Variants in ZZEF1 observed in about 807,000 individuals in gnomAD.
ZZEF1 encodes the protein zinc finger ZZ-type and EF-hand domain containing 1, also known as zinc finger ZZ-type and EF-hand domain-containing protein 1.
A neutral mutation model predicts 342.8 loss-of-function variants in ZZEF1; 157 were observed. That is an observed-to-expected ratio of 0.46 (90% CI 0.40 to 0.52). The LOEUF (loss-of-function observed/expected upper bound fraction) is 0.52, where lower values mean the gene tolerates loss of function less well. Among genes scored for constraint, ZZEF1 ranks in the 20% least tolerant of loss-of-function variants. ZZEF1 has a pLI of 0.00. For synonymous variants in ZZEF1, 1,505 were observed against 1,429.1 expected, an observed-to-expected ratio of 1.05 and a Z score of -1.20; for missense variants, 3,480 against 3,725.6, an observed-to-expected ratio of 0.93 and a Z score of 1.72.
intron 3 of ZZEF1, among the ~76,000 whole-genome samples, chr17:4,115,854 A>G (rs190921604): frequency 1.2e-3 from 180 of 152,312 alleles, no homozygotes; most frequent in Admixed American, 3.6e-3. Context: ...TAATTTTCAT[A>G]CAGACTAATT....
intron 39 of ZZEF1, among the ~76,000 whole-genome samples, chr17:4,036,776 T>TACACACACAC (rs761229612): frequency 1.3e-3 from 132 of 99,942 alleles, no homozygotes; most frequent in Admixed American, 2.4e-3. Flanking sequence ...ATATATAGAA[T>TACACACACAC]ACACACACAC....
chr17:4,022,326 A>G (rs1421565099), intron 44 of ZZEF1: 7 of 180,226 alleles, frequency 3.9e-5, no homozygotes, highest in Non-Finnish European at 8.3e-5. Context: ...TAAAATTATA[A>G]TGATCAACTA....
In ZZEF1 at chr17:4,067,329, A is replaced by G. The variant is rs910609667; in HGVS notation, c.4076-87T>C. The G allele has an allele frequency of 9.4e-6, 10 of 1,058,498 alleles. No individual in the cohort carries two copies. In the African/African-American group the frequency reaches 1.4e-4, roughly 15 times the overall value. 65.6% of individuals were successfully genotyped at this position (1,058,498 alleles called of 1,614,324 possible). A position where few individuals can be genotyped will look rare whatever the true frequency, so the allele number is the denominator to read the frequency against. On this transcript the variant is annotated intron_variant, in intron 26 of 54. Coordinates refer to ENST00000381638, the MANE Select transcript of ZZEF1 (RefSeq NM_015113.4). The stretch of plus-strand genomic sequence containing the variant: ...AAGCACAAAAAATCTAAATCTGCTG[A>G]AGTACAGGAAAAGTCCTCCTGACAA...
intron 8 of ZZEF1, among the ~76,000 whole-genome samples, chr17:4,104,020 A>G (rs6502770): frequency 0.41 from 61,907 of 152,006 alleles, 12,807 homozygotes; most frequent in African/African-American, 0.48. Context: ...ACTCACAAGT[A>G]GAAGTGCTGC....
rs1204812865 is a variant in ZZEF1, at chr17:4,008,465, A to G, written c.8805+418T>C. On this transcript the variant is annotated intron_variant, in intron 54 of 54. Transcript: ENST00000381638. The surrounding 1 kb of genome is among the most constrained non-coding windows in gnomAD (Gnocchi z 4.2). The stretch of plus-strand genomic sequence containing the variant: ...ATATGGATATATGCATAATAGACAT[A>G]TCCAAAAGCTTTCTGAGCTCCTCAG... 1.1e-6 allele frequency: 1 copy of G among 945,316 alleles called. No individual in the cohort carries two copies. The highest frequency in any genetic ancestry group is 1.3e-6 in the Non-Finnish European group (1 of 790,056). The allele number at this position is 945,316 out of a possible 1,614,324, so 58.6% of individuals were successfully genotyped here.
intron 8 of ZZEF1, among the ~76,000 whole-genome samples, chr17:4,103,864 G>A (rs1157826192): frequency 6.6e-6 from 1 of 152,182 alleles, no homozygotes; most frequent in African/African-American, 2.4e-5. Flanking sequence ...AGGCTGCAGT[G>A]AGCCGTGATC....
chr17:4,094,793 G>A (rs1268213843), intron 11 of ZZEF1, among the ~76,000 whole-genome samples: 2 of 152,038 alleles, frequency 1.3e-5, no homozygotes, highest in Non-Finnish European at 2.9e-5. Flanking sequence ...GTGGTCTCTT[G>A]GTCCACATCT....
chr17:4,021,646 C>T (rs1229066733), intron 44 of ZZEF1, among the ~76,000 whole-genome samples: 1 of 152,122 alleles, frequency 6.6e-6, no homozygotes, highest in East Asian at 1.9e-4. Flanking sequence ...TCATCTGTTA[C>T]GAATAATGTA....
In ZZEF1 at chr17:4,017,881, C is replaced by G; in HGVS notation, c.7596G>C (p.Gln2532His). 6.2e-7 allele frequency: 1 copy of G among 1,614,194 alleles called. No homozygotes were observed. The highest frequency in any genetic ancestry group is 1.1e-5 in the South Asian group (1 of 91,082). The change falls in exon 47 of 55, where the codon CAG becomes CAC. Residue 2532 changes from glutamine to histidine, a missense_variant. By Grantham distance (24) the Gln-to-His change is conservative. This residue lies in a region of ZZEF1 where 1,269 missense variants were observed against 1,342.4 expected (regional missense o/e 0.95). Coordinates refer to ENST00000381638, the MANE Select transcript of ZZEF1 (RefSeq NM_015113.4). This position sits in a 1 kb window ranked among gnomAD's most constrained non-coding sequence, Gnocchi z 5.1. ...TGTCTGTATCCACAGCTTTGGCGCT[C>G]TGTTCTTCCAGCCTCAGACTCTTAC... is the stretch of plus-strand genomic sequence containing the variant. The part of the protein sequence containing the change: ...QPSKSLRLEE[Q>H]SAKAVDTDMI...
chr17:4,075,070 G>A, intron 23 of ZZEF1, 27 bp downstream of exon 23: 1 of 1,611,792 alleles, frequency 6.2e-7, no homozygotes, highest in Non-Finnish European at 8.5e-7. Flanking sequence ...GCAGAAGTAG[G>A]TACCTCTTTC....
In ZZEF1 at chr17:4,123,997, A is replaced by G; in HGVS notation, c.409T>C (p.Leu137=). 1 of 1,614,052 alleles carries G rather than the reference A, an allele frequency of 6.2e-7. No homozygotes were observed. The highest frequency in any genetic ancestry group is 1.7e-5 in the Admixed American group (1 of 59,980). The change falls in exon 2 of 55, where the codon TTG becomes CTG. Residue 137 remains leucine, a synonymous_variant. Transcript: ENST00000381638. ...CCACTGGAATTCTTGAGGGCCTCCA[A>G]CATGTTCTCGGCATCAACTGTCCCA... The part of the protein sequence containing the change: ...GDGTVDAENM[L]EALKNSSGAN...
At chr17:4,099,486 T>C (rs1341488013) in intron 9 of ZZEF1, among the ~76,000 whole-genome samples, 1 of 151,808 alleles carries the variant, frequency 6.6e-6, no homozygotes, top group Non-Finnish European at 1.5e-5. Flanking sequence ...CCTCCCAAAG[T>C]GTCGGGGTTA....
At position 4,077,938 on chromosome 17, in the gene ZZEF1, C is replaced by T; in HGVS notation, c.2934G>A (p.Gln978=). The part of the protein sequence containing the change: ...QGSLLSWCYL[Q]LKSTDSGAKD... ...TGGCTCCAGAGTCCGTGCTCTTCAG[C>T]TGCAGGTAGCACCAGGATAGCAGGC... The change falls in exon 19 of 55, where the codon CAG becomes CAA. Residue 978 remains glutamine (Q), a synonymous_variant. Transcript: ENST00000381638. 1 of 1,614,186 alleles carries T rather than the reference C, an allele frequency of 6.2e-7. No homozygotes were observed. Among genetic ancestry groups the T allele is most frequent in the Non-Finnish European group, 8.5e-7 (1 of 1,180,034 alleles).
rs967738782 is a variant in ZZEF1, at chr17:4,032,717, A to C, written c.6759+111T>G. ...AAAGCAAGGTGTACAGGCAAAGGAA[A>C]AAGCTTCCAAAGAGATCTATGCCTA... On this transcript the variant is annotated intron_variant, in intron 41 of 54. Coordinates refer to ENST00000381638, the MANE Select transcript of ZZEF1 (RefSeq NM_015113.4). 3.4e-6 allele frequency: 4 copies of C among 1,163,874 alleles called. No individual in the cohort carries two copies. In the Admixed American group the frequency reaches 9.9e-5, roughly 29 times the overall value. 72.1% of individuals were successfully genotyped at this position (1,163,874 alleles called of 1,614,324 possible). A position where few individuals can be genotyped will look rare whatever the true frequency, so the allele number is the denominator to read the frequency against.
chr17:4,068,115 CAT>C (rs956098409), intron 26 of ZZEF1, among the ~76,000 whole-genome samples: 3 of 151,872 alleles, frequency 2.0e-5, no homozygotes, highest in African/African-American at 7.3e-5. Context: ...TATGGATACA[CAT>C]ATATATATAC....
intron 39 of ZZEF1, among the ~76,000 whole-genome samples, chr17:4,039,922 G>A (rs2056767196): frequency 6.6e-6 from 1 of 152,064 alleles, no homozygotes; most frequent in Non-Finnish European, 1.5e-5. Flanking sequence ...GGGATTACAG[G>A]CGTGAGCCAC....
At chr17:4,125,865 T>C (rs1212627789) in intron 1 of ZZEF1, among the ~76,000 whole-genome samples, 4 of 152,048 alleles carry the variant, frequency 2.6e-5, no homozygotes, top group African/African-American at 9.7e-5. Context: ...AAAATTAATG[T>C]CATTGGATAG....
chr17:4,087,468 T>C lies in ZZEF1; in HGVS notation c.2308A>G (p.Ile770Val). The C allele has an allele frequency of 6.2e-7, 1 of 1,611,750 alleles. No individual in the cohort carries two copies. Among genetic ancestry groups the C allele is most frequent in the Non-Finnish European group, 8.5e-7 (1 of 1,179,440 alleles). Residue 770 changes from isoleucine to valine, a missense_variant, in exon 14 of 55, where the codon ATC becomes GTC. By Grantham distance (29) the Ile-to-Val change is conservative. This residue lies in a region of ZZEF1 where 1,528 missense variants were observed against 1,624.1 expected (regional missense o/e 0.94). Transcript: ENST00000381638. ...FLDFAGLDLQIFWNFYSKLKQ... is the reference protein window; with the variant it reads ...FLDFAGLDLQVFWNFYSKLKQ... ...AATTTACTGTAAAAATTCCAGAAGA[T>C]CTGCAAATCAAGACCCGCGAAGTCC...
chr17:4,133,544 C>G (rs1455354474), intron 1 of ZZEF1, among the ~76,000 whole-genome samples: 1 of 152,144 alleles, frequency 6.6e-6, no homozygotes, highest in Non-Finnish European at 1.5e-5. Context: ...CCTATCAACT[C>G]TAGAAGTGAG....
Sources: gnomAD v4.1 joint callset for allele counts (sites outside exome capture counted in the v4.1 genomes callset) on GRCh38, gnomAD v4.1.1 for gene constraint, gnomAD v4.1.1 regional missense constraint, Gnocchi (gnomAD v3.1) non-coding constraint, MANE v1.5 for transcripts, NCBI Gene and HGNC (gene_info 2026-07-23, HGNC 2026-07-21) for gene names.